ZMYND8: variants seen among roughly 807,000 people sequenced by gnomAD.
ZMYND8 encodes the protein zinc finger MYND-type containing 8, also known as MYND-type zinc finger-containing chromatin reader ZMYND8.
ZMYND8 carries 37 observed loss-of-function variants against 140.8 expected under a neutral mutation model. The ratio of observed to expected loss-of-function variants is 0.26; its 90% CI spans 0.20 to 0.35. The LOEUF (loss-of-function observed/expected upper bound fraction) is 0.35. Among genes scored for constraint, ZMYND8 ranks in the 10% least tolerant of loss-of-function variants. The pLI, the probability that ZMYND8 is intolerant of heterozygous loss-of-function variation, is 1.00. For synonymous variants in ZMYND8, 592 were observed against 597.1 expected (o/e 0.99, Z 0.12); for missense variants, 1,068 against 1,570.0 (o/e 0.68, Z 5.40).
intron 2 of ZMYND8, among the ~76,000 whole-genome samples, chr20:47,316,922 A>C (rs1303963669): frequency 1.3e-5 from 2 of 152,164 alleles, no homozygotes; most frequent in Non-Finnish European, 2.9e-5. Context: ...GCTACCAAGG[A>C]GCAGTGCTGG....
chr20:47,353,457 ACT>A (rs767404363), intron 1 of ZMYND8: 7 of 151,976 alleles, frequency 4.6e-5, no homozygotes, highest in Admixed American at 1.3e-4. Flanking sequence ...AATTAGAAAA[ACT>A]CTGTAGAAAG....
At chr20:47,255,722 G>GTGTATATA (rs1458176502) in intron 12 of ZMYND8, among the ~76,000 whole-genome samples, 3 of 77,768 alleles carry the variant, frequency 3.9e-5, no homozygotes, top group Admixed American at 1.7e-4. Flanking sequence ...GTGTATGTGT[G>GTGTATATA]TATATATATA....
At chr20:47,212,813 C>A in intron 21 of ZMYND8, 88 bp from the exon 22 acceptor site, 1 of 1,228,664 alleles carries the variant, frequency 8.1e-7, no homozygotes, top group South Asian at 1.5e-5. Context: ...TGTTCATCAA[C>A]AGGCTACTGT....
Position 47,239,006 on chromosome 20 carries a change from G to T in ZMYND8, c.2417C>A (p.Thr806Asn). The change falls in exon 15 of 23, where the codon ACC becomes AAC. Residue 806 changes from threonine (T) to asparagine (N), a missense_variant. By Grantham distance (65) the Thr-to-Asn change is moderately conservative (BLOSUM62 0). Transcript: ENST00000471951. ...TATTSTSSTV[T>N]VTAPAPAATG... The stretch of plus-strand genomic sequence containing the variant: ...GGCGGCGGGGGCCGGGGCCGTGACG[G>T]TGACCGTGGAGGACGTGCTGGTGGT... The T allele has an allele frequency of 6.2e-7, 1 of 1,606,664 alleles. No homozygotes were observed.
chr20:47,249,259 GA>G (rs147386021), intron 13 of ZMYND8, 27 bp downstream of exon 13: 335 of 1,383,356 alleles, frequency 2.4e-4, no homozygotes, highest in South Asian at 2.1e-3. Flanking sequence ...GATACTGCTG[GA>G]AAAAAAAAAC....
chr20:47,212,876 C>T, intron 21 of ZMYND8, 151 bp from the exon 22 acceptor site: 1 of 662,206 alleles, frequency 1.5e-6, no homozygotes, highest in South Asian at 1.9e-5. Flanking sequence ...AACTTTAATG[C>T]AAGCACAGGA....
At position 47,246,145 on chromosome 20, in the gene ZMYND8, G is replaced by A. The variant is rs372422087; in HGVS notation, c.2147C>T (p.Thr716Met). Reference protein sequence around the residue: ...IKDKLKGKDETDSPTVHLGLD... With the variant: ...IKDKLKGKDEMDSPTVHLGLD... Reference sequence around the variant, plus strand: ...GCCCAAATGGACTGTTGGGGAATCCGTCTCATCTTTTCCCTTCAGTTTATC... The same window carrying A: ...GCCCAAATGGACTGTTGGGGAATCCATCTCATCTTTTCCCTTCAGTTTATC... Residue 716 changes from threonine (T) to methionine (M), a missense_variant, in exon 14 of 23, where the codon ACG becomes ATG. This residue lies in a region of ZMYND8 where 383 missense variants were observed against 431.2 expected (regional missense o/e 0.89). Coordinates refer to ENST00000471951, the MANE Select transcript of ZMYND8 (RefSeq NM_001281775.3). The A allele has an allele frequency of 1.6e-5, 26 of 1,614,004 alleles. No individual in the cohort carries two copies. The South Asian group carries it at 1.9e-4, about 12-fold the overall frequency.
At chr20:47,233,376 ATTT>A (rs895834415) in intron 16 of ZMYND8, among the ~76,000 whole-genome samples, 2 of 151,194 alleles carry the variant, frequency 1.3e-5, no homozygotes, top group African/African-American at 4.9e-5. Flanking sequence ...GGCCCAGCTA[ATTT>A]TTTTTTATTT....
chr20:47,261,568 C>T (rs904940506), intron 12 of ZMYND8, among the ~76,000 whole-genome samples: 10 of 150,992 alleles, frequency 6.6e-5, no homozygotes, highest in Non-Finnish European at 1.0e-4. Context: ...TCATCATCAT[C>T]ATCATCATCA....
rs551885446 is a variant in ZMYND8 at position 47,318,711 on chromosome 20, T to C, written c.86-8507A>G. ...CTGGCTGACTTGGGCCTGCCAGAGC[T>C]GCCGGGCTGAGCCCTCTCCTCCAGA... On this transcript the variant is annotated intron_variant, in intron 2 of 22. Coordinates refer to ENST00000471951, the MANE Select transcript of ZMYND8 (RefSeq NM_001281775.3). The C allele has an allele frequency of 4.5e-4, 205 of 458,094 alleles. 1 individual carries two copies. The highest frequency in any genetic ancestry group is 3.6e-3 in the African/African-American group (181 of 50,234). 28.4% of individuals were successfully genotyped at this position (458,094 alleles called of 1,614,324 possible). A position where few individuals can be genotyped will look rare whatever the true frequency, so the allele number is the denominator to read the frequency against.
chr20:47,218,039 CTA>C (rs1024967749), intron 21 of ZMYND8, among the ~76,000 whole-genome samples: 3 of 152,210 alleles, frequency 2.0e-5, no homozygotes, highest in African/African-American at 7.2e-5. Context: ...TACATATTAT[CTA>C]TGTCTACTTT....
chr20:47,317,072 G>T (rs2079462852), intron 2 of ZMYND8, among the ~76,000 whole-genome samples: 1 of 152,252 alleles, frequency 6.6e-6, no homozygotes, highest in South Asian at 2.1e-4. Flanking sequence ...CAGCCCTGTA[G>T]CAAGAGGACT....
At chr20:47,287,943 G>A (rs1333974471) in intron 7 of ZMYND8, among the ~76,000 whole-genome samples, 1 of 152,154 alleles carries the variant, frequency 6.6e-6, no homozygotes. Context: ...TAATGAATGA[G>A]TATGCCAAGG....
intron 2 of ZMYND8, among the ~76,000 whole-genome samples, chr20:47,314,865 A>C (rs560134241): frequency 1.3e-5 from 2 of 152,304 alleles, no homozygotes; most frequent in Admixed American, 1.3e-4. Context: ...TCAGGGCCTC[A>C]CCTGCAAAAT....
intron 8 of ZMYND8, 118 bp downstream of exon 8, chr20:47,287,111 C>T (rs2076971756): frequency 2.3e-6 from 2 of 858,750 alleles, no homozygotes; most frequent in Non-Finnish European, 3.9e-6. Flanking sequence ...GGGGTGTGGC[C>T]TCAACAAATT....
At chr20:47,354,277 G>A (rs1490378051) in intron 1 of ZMYND8, 4 of 152,062 alleles carry the variant, frequency 2.6e-5, no homozygotes, top group Non-Finnish European at 2.9e-5. Flanking sequence ...GCTTTTAGAG[G>A]ACAAATGCCT....
intron 8 of ZMYND8, among the ~76,000 whole-genome samples, chr20:47,284,033 G>A (rs1414762772): frequency 6.6e-6 from 1 of 151,722 alleles, no homozygotes; most frequent in Non-Finnish European, 1.5e-5. Context: ...AGCAATTCTC[G>A]TGCCTCAGCC....
At chr20:47,318,386 C>G in intron 2 of ZMYND8, 1 of 320,060 alleles carries the variant, frequency 3.1e-6, no homozygotes, top group Non-Finnish European at 6.1e-6. Context: ...AAGCGTTTCC[C>G]AAAGACACAG....
chr20:47,292,178 CTGT>C (rs1258215074), intron 5 of ZMYND8, among the ~76,000 whole-genome samples: 1 of 152,228 alleles, frequency 6.6e-6, no homozygotes, highest in Non-Finnish European at 1.5e-5. Flanking sequence ...ACAATACGCA[CTGT>C]AAGTTAAAAA....
Sources: gnomAD v4.1 joint callset for allele counts (sites outside exome capture counted in the v4.1 genomes callset) on GRCh38, gnomAD v4.1.1 for gene constraint, gnomAD v4.1.1 regional missense constraint, MANE v1.5 for transcripts, NCBI Gene and HGNC (gene_info 2026-07-23, HGNC 2026-07-21) for gene names.